Variants in MSH6 observed in about 807,000 individuals in gnomAD.
MSH6 encodes the protein DNA mismatch repair protein Msh6.
A neutral mutation model predicts 119.1 loss-of-function variants in MSH6; 85 were observed. That is an observed-to-expected ratio of 0.71 (90% confidence interval 0.60 to 0.85). The LOEUF (loss-of-function observed/expected upper bound fraction) is 0.85. Ranked by LOEUF, MSH6 falls within the 40% of genes least tolerant of loss-of-function variation. The probability of loss-of-function intolerance (pLI) is 0.00; values close to 1 mark genes in which losing one functional copy is unlikely to be tolerated. For synonymous variants in MSH6, 830 were observed against 586.9 expected, an observed-to-expected ratio of 1.41 and a Z score of -5.99; for missense variants, 2,163 against 1,655.3, an observed-to-expected ratio of 1.31 and a Z score of -5.32.
At chr2:47,801,807 T>A (rs1058061) in intron 4 of MSH6, among the ~76,000 whole-genome samples, 1 of 151,924 alleles carries the variant, frequency 6.6e-6, no homozygotes, top group Non-Finnish European at 1.5e-5. Context: ...CCCTGCTTTA[T>A]TTTTTTGGTG....
intron 3 of MSH6, among the ~76,000 whole-genome samples, 167 bp from the exon 4 acceptor site, chr2:47,798,444 A>T (rs1055661586): frequency 4.6e-5 from 7 of 152,234 alleles, no homozygotes; most frequent in Non-Finnish European, 1.0e-4. Context: ...CTATTTTATA[A>T]TAAGGAATTG....
intron 1 of MSH6, among the ~76,000 whole-genome samples, chr2:47,788,242 CTTTCT>C (rs1668460311): frequency 4.6e-5 from 5 of 108,644 alleles, no homozygotes; most frequent in Admixed American, 9.9e-5. Context: ...TTCATTCTTT[CTTTCT>C]TTTTTTTTTT....
At chr2:47,808,449 T>C (rs753238207), downstream of MSH6, 13 of 1,556,778 alleles carry the variant, frequency 8.4e-6, no homozygotes, top group Non-Finnish European at 1.1e-5. Context: ...AAGCTTAAAT[T>C]ACTTTTCTCA....
At chr2:47,809,521 A>T, downstream of MSH6, 2 of 1,017,830 alleles carry the variant, frequency 2.0e-6, no homozygotes, top group Non-Finnish European at 3.0e-6. Flanking sequence ...TGACATAAGG[A>T]ATCAAGTTAT....
In MSH6 at chr2:47,803,426, T is replaced by C; in HGVS notation, c.3179T>C (p.Leu1060Ser). 6.2e-7 allele frequency: 1 copy of C among 1,614,236 alleles called. No homozygotes were observed. The change falls in exon 5 of 10, where the codon TTA becomes TCA. Residue 1060 changes from leucine to serine, a missense_variant. Coordinates refer to ENST00000234420, the MANE Select transcript of MSH6 (RefSeq NM_000179.3). ...TTACCCTCTCTTTTAACAGATGTTT[T>C]ACTGTGCCTGGCTAACTATAGTCGA... is the stretch of plus-strand genomic sequence containing the variant. ...AVECIAVLDVLLCLANYSRGG... is the reference protein window; with the variant it reads ...AVECIAVLDVSLCLANYSRGG...
intron 9 of MSH6, 47 bp from the exon 10 acceptor site, chr2:47,806,732 C>G (rs779807340): frequency 2.6e-6 from 4 of 1,527,282 alleles, no homozygotes; most frequent in Admixed American, 3.6e-5. Context: ...GGATGATGCA[C>G]TATGAAAAAA....
At chr2:47,793,694 C>G (rs1668896466) in intron 2 of MSH6, among the ~76,000 whole-genome samples, 2 of 151,474 alleles carry the variant, frequency 1.3e-5, no homozygotes, top group African/African-American at 4.8e-5. Context: ...TATGAAGTCT[C>G]TTTTAGGACC....
intron 2 of MSH6, 123 bp from the exon 3 acceptor site, chr2:47,795,771 T>C: frequency 2.4e-6 from 2 of 826,968 alleles, no homozygotes; most frequent in Non-Finnish European, 2.0e-6. Context: ...ACACCTGGCA[T>C]ATATATATTT....
At position 47,806,660 on chromosome 2, in the gene MSH6, C is replaced by CTAACTATAATGGAATT. The variant is rs1553333771; in HGVS notation, c.4001+10_4001+25dup. On this transcript the variant is annotated intron_variant, in intron 9 of 9. Transcript: ENST00000234420. ...TCACTACGATTATTTCGGTAACTAA[C>CTAACTATAATGGAATT]TAACTATAATGGAATTATAACTAAC... 1 of 1,603,684 alleles carries CTAACTATAATGGAATT rather than the reference C, an allele frequency of 6.2e-7. No homozygotes were observed. The highest frequency in any genetic ancestry group is 2.2e-5 in the East Asian group (1 of 44,742).
chr2:47,790,054 A>C (rs1279264838), intron 1 of MSH6, among the ~76,000 whole-genome samples: 2 of 152,144 alleles, frequency 1.3e-5, no homozygotes, highest in Non-Finnish European at 2.9e-5. Context: ...CTGGACTGGA[A>C]CCCAAGGATA....
chr2:47,803,607 G>A lies in MSH6; in HGVS notation c.3360G>A (p.Glu1120=), dbSNP rs146737457. 5 of 1,614,056 alleles carry A rather than the reference G, an allele frequency of 3.1e-6. No individual in the cohort carries two copies. The highest frequency in any genetic ancestry group is 4.2e-6 in the Non-Finnish European group (5 of 1,180,046). The change falls in exon 5 of 10, where the codon GAG becomes GAA. Residue 1120 remains glutamate, a synonymous_variant. Coordinates refer to ENST00000234420, the MANE Select transcript of MSH6 (RefSeq NM_000179.3). ...PNDILIGCEE[E]EQENGKAYCV... is the part of the protein sequence containing the mutation. ...ACATTCTAATAGGCTGTGAGGAAGA[G>A]GAGCAGGAAAATGGCAAAGCCTATT...
chr2:47,788,933 T>TTGTTTTGTTTTG (rs1668552212), intron 1 of MSH6, among the ~76,000 whole-genome samples: 1 of 94,054 alleles, frequency 1.1e-5, no homozygotes, highest in African/African-American at 4.7e-5. Flanking sequence ...TTTTTTTTTT[T>TTGTTTTGTTTTG]TTTTTTTTTT....
At position 47,799,005 on chromosome 2, in the gene MSH6, C is replaced by G. The variant is rs766202031; in HGVS notation, c.1022C>G (p.Ser341Cys). ...ACCAAGAATACTTTGAGAGCTTTCT[C>G]TGCCCCTCAAAATTCTGAATCCCAA... is the stretch of plus-strand genomic sequence containing the variant. ...SETKNTLRAF[S>C]APQNSESQAH... The change falls in exon 4 of 10, where the codon TCT becomes TGT. Residue 341 changes from serine to cysteine, a missense_variant. Physicochemically the swap from Ser to Cys is moderately radical, Grantham distance 112 (BLOSUM62 -1). Coordinates refer to ENST00000234420, the MANE Select transcript of MSH6 (RefSeq NM_000179.3). The G allele has an allele frequency of 6.2e-7, 1 of 1,614,234 alleles. No homozygotes were observed. The highest frequency in any genetic ancestry group is 8.5e-7 in the Non-Finnish European group (1 of 1,180,050).
In MSH6 at chr2:47,798,835, T is replaced by TA. The variant is rs1553412289; in HGVS notation, c.853dup (p.Ser285LysfsTer2). 1 of 1,613,902 alleles carries TA rather than the reference T, an allele frequency of 6.2e-7. No homozygotes were observed. Among genetic ancestry groups the TA allele is most frequent in the Non-Finnish European group, 8.5e-7 (1 of 1,179,980 alleles). On this transcript the variant is annotated frameshift_variant, in exon 4 of 10. Coordinates refer to ENST00000234420, the MANE Select transcript of MSH6 (RefSeq NM_000179.3). LOFTEE classifies it high-confidence loss of function. ...ATGAAATAAGCAGTGGAGTGGGGGATAGTGAGAGTGAAGGCCTGAACAGCC... is the reference window on the plus strand; with the variant it reads ...ATGAAATAAGCAGTGGAGTGGGGGATAAGTGAGAGTGAAGGCCTGAACAGCC...
intron 1 of MSH6, among the ~76,000 whole-genome samples, chr2:47,788,913 T>TTTTTTTG (rs1668537106): frequency 3.6e-5 from 2 of 55,292 alleles, no homozygotes; most frequent in African/African-American, 1.4e-4. Flanking sequence ...CTTCCTTTTT[T>TTTTTTTG]TTTTTTTTGT....
At position 47,800,178 on chromosome 2, in the gene MSH6, G is replaced by C. The variant is rs749746725; in HGVS notation, c.2195G>C (p.Arg732Pro). 17 of 1,614,010 alleles carry C rather than the reference G, an allele frequency of 1.1e-5. No individual in the cohort carries two copies. The highest frequency in any genetic ancestry group is 1.7e-5 in the Admixed American group (1 of 59,998). The change falls in exon 4 of 10, where the codon CGA becomes CCA. Residue 732 changes from arginine (R) to proline (P), a missense_variant. Arg to Pro is a moderately radical substitution (Grantham distance 103). Coordinates refer to ENST00000234420, the MANE Select transcript of MSH6 (RefSeq NM_000179.3). ...SGAIFTKAYQ[R>P]MVLDAVTLNN... ...GCTATCTTCACCAAAGCCTATCAAC[G>C]AATGGTGCTAGATGCAGTGACATTA... is the stretch of plus-strand genomic sequence containing the variant.
intron 4 of MSH6, among the ~76,000 whole-genome samples, chr2:47,801,700 G>A (rs1370581862): frequency 1.3e-5 from 2 of 151,948 alleles, no homozygotes; most frequent in Admixed American, 1.3e-4. Context: ...CGAACAAAAG[G>A]TTTTTGTTTT....
In MSH6 at chr2:47,806,531, G is replaced by C. The variant is rs878853741; in HGVS notation, c.3881G>C (p.Cys1294Ser). ...CTCTATAAATTCATTAAGGGAGCTTGTCCTAAAAGCTATGGCTTTAATGCA... is the reference window on the plus strand; with the variant it reads ...CTCTATAAATTCATTAAGGGAGCTTCTCCTAAAAGCTATGGCTTTAATGCA... ...TFLYKFIKGA[C>S]PKSYGFNAAR... The change falls in exon 9 of 10, where the codon TGT becomes TCT. Residue 1294 changes from cysteine to serine, a missense_variant. Transcript: ENST00000234420. 1 of 1,613,798 alleles carries C rather than the reference G, an allele frequency of 6.2e-7. No homozygotes were observed. The highest frequency in any genetic ancestry group is 1.7e-5 in the Admixed American group (1 of 59,974).
chr2:47,783,529 T>A (rs1373466214), intron 1 of MSH6, 36 bp downstream of exon 1: 3 of 1,388,070 alleles, frequency 2.2e-6, no homozygotes, highest in South Asian at 3.3e-5. Context: ...GGCGGGGGCA[T>A]AGCGGCGGGG....
Sources: gnomAD v4.1 joint callset for allele counts (sites outside exome capture counted in the v4.1 genomes callset) on GRCh38, gnomAD v4.1.1 for gene constraint, MANE v1.5 for transcripts, NCBI Gene and HGNC (gene_info 2026-07-23, HGNC 2026-07-21) for gene names.